The following MPPED2 variants were observed in gnomAD, a reference collection of about 807,000 sequenced individuals.
MPPED2 encodes metallophosphoesterase MPPED2.
Under a neutral mutation model 33.0 loss-of-function variants are expected in MPPED2, and 5 were observed. That is an observed-to-expected ratio of 0.15 (90% CI 0.08 to 0.32). The LOEUF (loss-of-function observed/expected upper bound fraction) is 0.32, where lower values mean the gene tolerates loss of function less well. Among genes scored for constraint, MPPED2 ranks in the 10% least tolerant of loss-of-function variants. The pLI is 1.00. For missense variants in MPPED2, 275 were observed against 372.1 expected, an observed-to-expected ratio of 0.74 and a Z score of 2.15; for synonymous variants, 136 against 141.9, an observed-to-expected ratio of 0.96 and a Z score of 0.29.
chr11:30,530,192 C>A (rs953905811), intron 3 of MPPED2, among the ~76,000 whole-genome samples: 1 of 152,032 alleles, frequency 6.6e-6, no homozygotes, highest in African/African-American at 2.4e-5. Flanking sequence ...ACAACAACAG[C>A]CAATGGGATA....
chr11:30,395,267 T>C (rs1200656688), intron 6 of MPPED2, among the ~76,000 whole-genome samples: 1 of 152,182 alleles, frequency 6.6e-6, no homozygotes, highest in Non-Finnish European at 1.5e-5. Flanking sequence ...ATTTACAGTA[T>C]CATTTAGTTT....
At chr11:30,460,463 T>A (rs1379542190) in intron 4 of MPPED2, among the ~76,000 whole-genome samples, 2 of 151,704 alleles carry the variant, frequency 1.3e-5, no homozygotes, top group Non-Finnish European at 2.9e-5. Flanking sequence ...CTCTACAAAA[T>A]TTTTTTAAAA....
chr11:30,452,634 A>G (rs1320303641), intron 4 of MPPED2, among the ~76,000 whole-genome samples: 1 of 152,156 alleles, frequency 6.6e-6, no homozygotes, highest in African/African-American at 2.4e-5. Flanking sequence ...GAATGACTGC[A>G]CTGGTTCATG....
At chr11:30,579,070 T>C (rs1475929698) in intron 2 of MPPED2, among the ~76,000 whole-genome samples, 1 of 150,042 alleles carries the variant, frequency 6.7e-6, no homozygotes, top group South Asian at 2.1e-4. Context: ...AATCTCATCA[T>C]AGGTAACTGA....
At chr11:30,541,847 C>G in intron 2 of MPPED2, among the ~76,000 whole-genome samples, 1 of 152,196 alleles carries the variant, frequency 6.6e-6, no homozygotes, top group East Asian at 1.9e-4. Context: ...CTGCCTTGGC[C>G]TCCCAAAGTG....
chr11:30,504,709 C>CTAACGTTAATA, intron 3 of MPPED2: 1 of 1,161,054 alleles, frequency 8.6e-7, no homozygotes, highest in Non-Finnish European at 1.1e-6. Context: ...TTTCACAAGT[C>CTAACGTTAATA]CTGACAGCTC....
intron 2 of MPPED2, among the ~76,000 whole-genome samples, chr11:30,567,289 G>A (rs1590886335): frequency 6.6e-6 from 1 of 152,078 alleles, no homozygotes; most frequent in South Asian, 2.1e-4. Flanking sequence ...ATCATTTTGC[G>A]ATCAACAATG....
At chr11:30,546,606 G>A (rs907236577) in intron 2 of MPPED2, among the ~76,000 whole-genome samples, 1 of 152,102 alleles carries the variant, frequency 6.6e-6, no homozygotes, top group African/African-American at 2.4e-5. Context: ...TGGCTAATGG[G>A]CCTTCTTTAA....
At chr11:30,417,692 A>G in intron 4 of MPPED2, 59 bp from the exon 5 acceptor site, 1 of 968,110 alleles carries the variant, frequency 1.0e-6, no homozygotes, top group Non-Finnish European at 1.7e-6. Context: ...CCGCTCTGCA[A>G]TATTTCTCTC....
intron 2 of MPPED2, among the ~76,000 whole-genome samples, chr11:30,553,791 T>C (rs1204923948): frequency 1.3e-5 from 2 of 152,128 alleles, no homozygotes; most frequent in Non-Finnish European, 2.9e-5. Context: ...ACATGGTACC[T>C]ACAATGCCAA....
intron 1 of MPPED2, among the ~76,000 whole-genome samples, chr11:30,583,829 G>T (rs1222274522): frequency 6.6e-6 from 1 of 152,176 alleles, no homozygotes; most frequent in Non-Finnish European, 1.5e-5. Context: ...CAACAAGGAT[G>T]CTCATTTTAA....
At chr11:30,451,851 A>C in intron 4 of MPPED2, 1 of 985,148 alleles carries the variant, frequency 1.0e-6, no homozygotes, top group Non-Finnish European at 1.2e-6. Context: ...AGTCAGCTGG[A>C]GATCTGGAGA....
chr11:30,473,752 T>G (rs1314318718), intron 4 of MPPED2, among the ~76,000 whole-genome samples: 1 of 152,218 alleles, frequency 6.6e-6, no homozygotes, highest in Non-Finnish European at 1.5e-5. Context: ...TCAAGACAGT[T>G]ACCATGTTGT....
intron 2 of MPPED2, among the ~76,000 whole-genome samples, chr11:30,558,244 A>G (rs559888521): frequency 2.6e-5 from 4 of 152,172 alleles, no homozygotes; most frequent in Non-Finnish European, 5.9e-5. Context: ...TTATAGTCAC[A>G]CTTCAAACCC....
chr11:30,407,640 G>C (rs914326849), downstream of MPPED2, among the ~76,000 whole-genome samples: 1 of 152,222 alleles, frequency 6.6e-6, no homozygotes, highest in Non-Finnish European at 1.5e-5. Context: ...GGGAGGCCGA[G>C]GCAGGCGGGT....
At chr11:30,451,070 C>T (rs1950037945) in intron 4 of MPPED2, among the ~76,000 whole-genome samples, 1 of 152,198 alleles carries the variant, frequency 6.6e-6, no homozygotes, top group Non-Finnish European at 1.5e-5. Flanking sequence ...AGCCACGTGG[C>T]TTCTTCATGC....
chr11:30,516,782 T>C (rs980994548), intron 3 of MPPED2, among the ~76,000 whole-genome samples: 3 of 152,080 alleles, frequency 2.0e-5, no homozygotes, highest in Non-Finnish European at 2.9e-5. Context: ...TCACTCTCAA[T>C]GGTTGCTTGC....
chr11:30,444,832 T>A (rs1949733655), intron 4 of MPPED2, among the ~76,000 whole-genome samples: 1 of 152,170 alleles, frequency 6.6e-6, no homozygotes, highest in African/African-American at 2.4e-5. Flanking sequence ...TAAATCCCCA[T>A]CACCATGTTT....
intron 4 of MPPED2, among the ~76,000 whole-genome samples, chr11:30,473,636 T>C (rs1951047569): frequency 2.0e-5 from 3 of 148,808 alleles, no homozygotes; most frequent in African/African-American, 5.0e-5. Context: ...GACTTGCTTC[T>C]AATAAAAAAA....
Sources: allele counts gnomAD v4.1 joint callset (sites outside exome capture counted in the v4.1 genomes callset), GRCh38; gene constraint gnomAD v4.1.1; transcripts MANE v1.5; gene names NCBI Gene and HGNC (gene_info 2026-07-23, HGNC 2026-07-21).